CAMK1D: variants seen among roughly 807,000 people sequenced by gnomAD.
CAMK1D encodes calcium/calmodulin dependent protein kinase ID.
Under a neutral mutation model 47.7 loss-of-function variants are expected in CAMK1D, and 9 were observed. That is an observed-to-expected ratio of 0.19 (90% CI 0.11 to 0.33). The LOEUF is 0.33. Ranked by LOEUF, CAMK1D falls within the 10% of genes least tolerant of loss-of-function variation. The pLI is 1.00. For missense variants in CAMK1D, 291 were observed against 488.7 expected (o/e 0.60, Z 3.81); for synonymous variants, 184 against 184.9 (o/e 0.99, Z 0.04).
chr10:12,595,342 G>GAAAAAAAAAA lies in CAMK1D; in HGVS notation c.224+41999_224+42008dup, dbSNP rs535214333. Among the ~76,000 whole-genome samples the GAAAAAAAAAA allele has an allele frequency of 9.3e-3, 218 of 23,564 alleles. 72 individuals carry two copies. Among genetic ancestry groups the GAAAAAAAAAA allele is most frequent in the African/African-American group, 0.03 (169 of 5,542 alleles). 15.5% of individuals were successfully genotyped at this position (23,564 alleles called of 152,430 possible). A position where few individuals can be genotyped will look rare whatever the true frequency, so the allele number is the denominator to read the frequency against. ...GGGCAACAAGAGTGAAACTCCATCT[G>GAAAAAAAAAA]AAAAAAAAAAAAAAAAAAAAAAGGA... On this transcript the variant is annotated intron_variant, in intron 2 of 10. Coordinates refer to ENST00000619168, the MANE Select transcript of CAMK1D (RefSeq NM_153498.4).
chr10:12,809,128 A>AT (rs1028109687), intron 6 of CAMK1D, among the ~76,000 whole-genome samples: 1 of 151,864 alleles, frequency 6.6e-6, no homozygotes, highest in Non-Finnish European at 1.5e-5. Flanking sequence ...AAAAAAAAAA[A>AT]ATCCATACAG....
chr10:12,685,774 T>G (rs1178777339), intron 3 of CAMK1D, among the ~76,000 whole-genome samples: 1 of 152,190 alleles, frequency 6.6e-6, no homozygotes. Flanking sequence ...TCATGGAAGA[T>G]GAAGGACTGG....
At chr10:12,484,663 A>G (rs181014099) in intron 1 of CAMK1D, among the ~76,000 whole-genome samples, 17 of 152,310 alleles carry the variant, frequency 1.1e-4, no homozygotes, top group African/African-American at 4.1e-4. Context: ...GGAAGCGATG[A>G]CGTCCCCTGG....
chr10:12,723,359 C>G (rs1834480669), intron 3 of CAMK1D, among the ~76,000 whole-genome samples: 1 of 152,158 alleles, frequency 6.6e-6, no homozygotes, highest in Non-Finnish European at 1.5e-5. Flanking sequence ...GAAAGCTTCC[C>G]TGACCTCACA....
At chr10:12,412,468 A>AAAG (rs1839692500) in intron 1 of CAMK1D, among the ~76,000 whole-genome samples, 1 of 149,938 alleles carries the variant, frequency 6.7e-6, no homozygotes. Context: ...AAAAAAAAAA[A>AAAG]AAAAATTAGC....
chr10:12,488,551 A>C (rs989907057), intron 1 of CAMK1D, among the ~76,000 whole-genome samples: 5 of 152,162 alleles, frequency 3.3e-5, no homozygotes, highest in African/African-American at 9.7e-5. Context: ...GGATGATTCA[A>C]GCACATGACA....
At chr10:12,698,193 C>T (rs1833371277) in intron 3 of CAMK1D, among the ~76,000 whole-genome samples, 1 of 152,144 alleles carries the variant, frequency 6.6e-6, no homozygotes, top group South Asian at 2.1e-4. Flanking sequence ...TTATTTGATG[C>T]ATAAACTCAT....
At chr10:12,587,377 A>G (rs1837850022) in intron 2 of CAMK1D, among the ~76,000 whole-genome samples, 1 of 152,212 alleles carries the variant, frequency 6.6e-6, no homozygotes, top group Admixed American at 6.5e-5. Flanking sequence ...CTAAAAACGC[A>G]TTGACTTCTT....
intron 1 of CAMK1D, among the ~76,000 whole-genome samples, chr10:12,503,544 C>T (rs576563700): frequency 1.3e-5 from 2 of 152,150 alleles, no homozygotes; most frequent in Admixed American, 6.5e-5. Flanking sequence ...AGCGGGCTCC[C>T]AGGGAGAGGG....
intron 1 of CAMK1D, among the ~76,000 whole-genome samples, chr10:12,532,598 T>C (rs530738177): frequency 2.0e-5 from 3 of 152,310 alleles, no homozygotes; most frequent in South Asian, 4.1e-4. Context: ...ATTTTCAAGA[T>C]TGACCTTTCT....
intron 1 of CAMK1D, among the ~76,000 whole-genome samples, chr10:12,380,668 A>G (rs1489047232): frequency 1.3e-5 from 2 of 152,152 alleles, no homozygotes; most frequent in Admixed American, 6.5e-5. Context: ...CATCCTGGCT[A>G]ACACGGTGAA....
At chr10:12,560,347 G>C (rs1365568110) in intron 2 of CAMK1D, among the ~76,000 whole-genome samples, 1 of 152,018 alleles carries the variant, frequency 6.6e-6, no homozygotes, top group Non-Finnish European at 1.5e-5. Flanking sequence ...GAGGTCAGGA[G>C]TTAGAGACCA....
Position 12,778,572 on chromosome 10 carries a change from C to T in CAMK1D, c.565+8773C>T, listed in dbSNP as rs1837365558. Among the ~76,000 whole-genome samples the T allele has an allele frequency of 1.3e-5, 2 of 152,152 alleles. 1 individual carries two copies. The highest frequency in any genetic ancestry group is 4.1e-4 in the South Asian group (2 of 4,826). On this transcript the variant is annotated intron_variant, in intron 5 of 10. Transcript: ENST00000619168. The stretch of plus-strand genomic sequence containing the variant: ...CATGTGAGGCAGTGTATTTCAGAAG[C>T]AACATTAAAATACAGGTGTGAAGGC...
chr10:12,744,022 CA>C (rs60844942), intron 3 of CAMK1D, among the ~76,000 whole-genome samples: 12,301 of 99,650 alleles, frequency 0.12, 1,112 homozygotes, highest in African/African-American at 0.27. Flanking sequence ...GACTCCGTTT[CA>C]AAAAAAAAAA....
chr10:12,588,828 A>G (rs1350773518), intron 2 of CAMK1D, among the ~76,000 whole-genome samples: 1 of 151,454 alleles, frequency 6.6e-6, no homozygotes, highest in African/African-American at 2.4e-5. Flanking sequence ...ATGCACATAC[A>G]TATATATGTG....
chr10:12,696,485 C>G lies in CAMK1D; in HGVS notation c.299+29675C>G, dbSNP rs1362216808. ...CCAGCGGGCCGAGGTTGCAGTGAGCCTATATCGTGCCATTGCACTCCAGCC... is the reference window on the plus strand; with the variant it reads ...CCAGCGGGCCGAGGTTGCAGTGAGCGTATATCGTGCCATTGCACTCCAGCC... On this transcript the variant is annotated intron_variant, in intron 3 of 10. Coordinates refer to ENST00000619168, the MANE Select transcript of CAMK1D (RefSeq NM_153498.4). 2.0e-5 allele frequency among the ~76,000 whole-genome samples: 3 copies of G among 152,146 alleles called. No homozygotes were observed. In the East Asian group the frequency reaches 5.8e-4, roughly 30 times the overall value.
chr10:12,734,208 G>A (rs955246657), intron 3 of CAMK1D, among the ~76,000 whole-genome samples: 1 of 148,202 alleles, frequency 6.7e-6, no homozygotes. Flanking sequence ...TGTAGTCCCA[G>A]CTACTCAAAA....
intron 5 of CAMK1D, among the ~76,000 whole-genome samples, chr10:12,788,015 T>C (rs1374748768): frequency 6.6e-6 from 1 of 152,144 alleles, no homozygotes. Flanking sequence ...GTGACACAGA[T>C]AAGACACAAC....
At chr10:12,807,791 G>T (rs10906228) in intron 6 of CAMK1D, among the ~76,000 whole-genome samples, 5,859 of 152,132 alleles carry the variant, frequency 0.039, 438 homozygotes, top group East Asian at 0.34. Context: ...CCGTTCCTCC[G>T]TCCAGCTCCA....
Sources: allele counts gnomAD v4.1 joint callset (sites outside exome capture counted in the v4.1 genomes callset), GRCh38; gene constraint gnomAD v4.1.1; transcripts MANE v1.5; gene names NCBI Gene and HGNC (gene_info 2026-07-23, HGNC 2026-07-21).